DNAH5: variants seen among roughly 807,000 people sequenced by gnomAD.
The protein encoded by DNAH5 is axonemal beta dynein heavy chain 5.
A neutral mutation model predicts 518.2 loss-of-function variants in DNAH5; 372 were observed. The observed-to-expected ratio is 0.72, with a 90% CI of 0.66 to 0.78. DNAH5 has a LOEUF of 0.78. DNAH5 is among the 30% of genes least tolerant of loss of function. The probability of loss-of-function intolerance (pLI) is 0.00; values close to 1 mark genes in which losing one functional copy is unlikely to be tolerated. For missense variants in DNAH5, 5,523 were observed against 5,687.0 expected (o/e 0.97, Z 0.93); for synonymous variants, 2,039 against 2,025.9 (o/e 1.01, Z -0.17).
intron 1 of DNAH5, among the ~76,000 whole-genome samples, chr5:13,954,414 TTTACAGGA>T (rs1459566704): frequency 6.6e-6 from 1 of 152,150 alleles, no homozygotes; most frequent in Non-Finnish European, 1.5e-5. Context: ...TGCAATAAGG[TTTACAGGA>T]TAAGGAAAGA....
At chr5:14,003,428 G>C (rs1784498144) in intron 1 of DNAH5, among the ~76,000 whole-genome samples, 1 of 152,156 alleles carries the variant, frequency 6.6e-6, no homozygotes, top group Non-Finnish European at 1.5e-5. Context: ...TGGTAGGTAA[G>C]ATCTAATGGC....
chr5:13,714,735 T>C lies in DNAH5; in HGVS notation c.12910-115A>G, dbSNP rs372853742. 102 of 987,338 alleles carry C rather than the reference T, an allele frequency of 1.0e-4. 1 individual carries two copies. The African/African-American group carries it at 1.5e-3, about 14-fold the overall frequency. The allele number at this position is 987,338 out of a possible 1,614,324, so 61.2% of individuals were successfully genotyped here. On this transcript the variant is annotated intron_variant, in intron 74 of 78. Coordinates refer to ENST00000265104, the MANE Select transcript of DNAH5 (RefSeq NM_001369.3). ...AGGGTATGCATTTACTTAAGTCTTATTGGTGTCAAGCTACAAACTCAATAA... is the reference window on the plus strand; with the variant it reads ...AGGGTATGCATTTACTTAAGTCTTACTGGTGTCAAGCTACAAACTCAATAA...
At position 13,716,491 on chromosome 5, in the gene DNAH5, A is replaced by G; in HGVS notation, c.12905T>C (p.Ile4302Thr). 2 of 1,612,820 alleles carry G rather than the reference A, an allele frequency of 1.2e-6. No individual in the cohort carries two copies. The highest frequency in any genetic ancestry group is 1.7e-6 in the Non-Finnish European group (2 of 1,178,966). ...CSTVDNYLQYIQSLPAYDSPE... is the reference protein window; with the variant it reads ...CSTVDNYLQYTQSLPAYDSPE... ...AAAATTCTGAAGTTGACAAACCTGG[A>G]TATACTGAAGATAGTTATCCACTGT... The change falls in exon 74 of 79, where the codon ATC becomes ACC. Residue 4302 changes from isoleucine (I) to threonine (T), a missense_variant. Physicochemically the swap from Ile to Thr is moderately conservative, Grantham distance 89 (BLOSUM62 -1). Around this residue, in one of 3 missense-constraint regions of DNAH5, gnomAD observed 387 missense variants for 430.0 expected, o/e 0.90. Transcript: ENST00000265104.
chr5:13,869,289 T>C (rs11743589), intron 24 of DNAH5, among the ~76,000 whole-genome samples: 61,595 of 151,630 alleles, frequency 0.41, 12,747 homozygotes, highest in South Asian at 0.47. Context: ...ATTCCAGTTA[T>C]AGTGTGATGA....
At chr5:13,884,960 C>A (rs764350372) in intron 19 of DNAH5, 29 bp downstream of exon 19, 2 of 1,613,686 alleles carry the variant, frequency 1.2e-6, no homozygotes, top group Non-Finnish European at 1.7e-6. Flanking sequence ...GCCTGATCAT[C>A]CACTAAGCAA....
chr5:13,937,272 T>C (rs1460728818), intron 1 of DNAH5, among the ~76,000 whole-genome samples: 1 of 148,644 alleles, frequency 6.7e-6, no homozygotes, highest in African/African-American at 2.5e-5. Context: ...TAGTGTGCTC[T>C]AGCAGGAGAC....
At chr5:13,898,659 C>A in intron 15 of DNAH5, 1 of 398,572 alleles carries the variant, frequency 2.5e-6, no homozygotes, top group Admixed American at 4.4e-5. Flanking sequence ...AGTATTCTGT[C>A]CTACTTACCT....
chr5:13,944,183 G>A (rs1779716967), intron 1 of DNAH5, among the ~76,000 whole-genome samples, 199 bp downstream of exon 1: 1 of 152,190 alleles, frequency 6.6e-6, no homozygotes, highest in Non-Finnish European at 1.5e-5. Context: ...GTGCAGAAAA[G>A]CCTACAGATG....
At chr5:13,895,578 C>T (rs1277972579) in intron 15 of DNAH5, among the ~76,000 whole-genome samples, 1 of 152,140 alleles carries the variant, frequency 6.6e-6, no homozygotes, top group Non-Finnish European at 1.5e-5. Flanking sequence ...CTACCTCAGC[C>T]CTTTGCTAGG....
intron 28 of DNAH5, among the ~76,000 whole-genome samples, chr5:13,863,591 T>C (rs1768793699): frequency 6.6e-6 from 1 of 152,150 alleles, no homozygotes; most frequent in African/African-American, 2.4e-5. Flanking sequence ...CAAATATCCC[T>C]GATCCTTTCT....
At chr5:13,812,714 T>A (rs1217220270) in intron 43 of DNAH5, among the ~76,000 whole-genome samples, 1 of 152,226 alleles carries the variant, frequency 6.6e-6, no homozygotes, top group Non-Finnish European at 1.5e-5. Flanking sequence ...AGGATATTCA[T>A]GAAAATGGAG....
chr5:13,714,911 C>T (rs1289952541), intron 74 of DNAH5, among the ~76,000 whole-genome samples: 2 of 152,108 alleles, frequency 1.3e-5, no homozygotes, highest in East Asian at 3.9e-4. Flanking sequence ...AGAAAGGGAG[C>T]TGTGGATTGG....
intron 52 of DNAH5, 102 bp from the exon 53 acceptor site, chr5:13,781,061 G>A: frequency 7.5e-7 from 1 of 1,332,056 alleles, no homozygotes; most frequent in Non-Finnish European, 1.0e-6. Context: ...TATTTTGGAA[G>A]ATATAGGTGT....
intron 39 of DNAH5, 148 bp downstream of exon 39, chr5:13,824,051 A>G: frequency 1.2e-6 from 1 of 826,198 alleles, no homozygotes; most frequent in Non-Finnish European, 2.0e-6. Context: ...CTGAAAAAGT[A>G]TAATTTAAAG....
intron 30 of DNAH5, among the ~76,000 whole-genome samples, chr5:13,852,197 C>T (rs1011141734): frequency 1.6e-4 from 24 of 152,100 alleles, no homozygotes; most frequent in African/African-American, 5.1e-4. Context: ...GATGGAGTTT[C>T]GCTCTTTTTG....
chr5:13,808,269 A>G (rs984719806), intron 46 of DNAH5, among the ~76,000 whole-genome samples: 1 of 151,624 alleles, frequency 6.6e-6, no homozygotes, highest in Non-Finnish European at 1.5e-5. Flanking sequence ...GTATACACAA[A>G]GAAACACCAT....
chr5:13,716,433 ACTC>A, intron 74 of DNAH5, 51 bp downstream of exon 74: 1 of 1,330,444 alleles, frequency 7.5e-7, no homozygotes, highest in African/African-American at 1.4e-5. Flanking sequence ...AATACCCAAA[ACTC>A]AAGTGGCTAC....
intron 1 of DNAH5, among the ~76,000 whole-genome samples, chr5:14,011,557 G>A (rs965753190): frequency 6.6e-6 from 1 of 152,108 alleles, no homozygotes; most frequent in East Asian, 1.9e-4. Flanking sequence ...CCAACCCCGC[G>A]AGCCAGGGAA....
intron 4 of DNAH5, among the ~76,000 whole-genome samples, chr5:13,922,897 C>T (rs1777462962): frequency 6.6e-6 from 1 of 151,710 alleles, no homozygotes; most frequent in Non-Finnish European, 1.5e-5. Flanking sequence ...AAGGGGAAAA[C>T]TTGTACAGAT....
Sources: allele counts gnomAD v4.1 joint callset (sites outside exome capture counted in the v4.1 genomes callset), GRCh38; gene constraint gnomAD v4.1.1; regional missense constraint gnomAD v4.1.1; transcripts MANE v1.5; gene names NCBI Gene and HGNC (gene_info 2026-07-23, HGNC 2026-07-21).